MARCHF1: variants seen among roughly 807,000 people sequenced by gnomAD.
The protein encoded by MARCHF1 is E3 ubiquitin-protein ligase MARCHF1.
A neutral mutation model predicts 54.2 loss-of-function variants in MARCHF1; 40 were observed. That is an observed-to-expected ratio of 0.74 (90% confidence interval 0.57 to 0.96). The LOEUF (loss-of-function observed/expected upper bound fraction) is 0.96, where lower values mean the gene tolerates loss of function less well. Ranked by LOEUF, MARCHF1 falls within the 40% of genes least tolerant of loss-of-function variation. The pLI is 0.00. For missense variants in MARCHF1, 586 were observed against 656.5 expected (o/e 0.89, Z 1.17); for synonymous variants, 236 against 236.3 (o/e 1.00, Z 0.01).
chr4:163,945,225 G>T (rs2110764369), intron 3 of MARCHF1, among the ~76,000 whole-genome samples: 1 of 152,174 alleles, frequency 6.6e-6, no homozygotes, highest in African/African-American at 2.4e-5. Context: ...CTGGTTGTTG[G>T]CCAGACATGG....
At chr4:163,607,675 T>C (rs1741188696) in intron 7 of MARCHF1, among the ~76,000 whole-genome samples, 1 of 152,148 alleles carries the variant, frequency 6.6e-6, no homozygotes, top group Non-Finnish European at 1.5e-5. Flanking sequence ...CATTTGGCTT[T>C]TCAAATACAT....
intron 5 of MARCHF1, among the ~76,000 whole-genome samples, chr4:163,614,506 A>G (rs1319097885): frequency 6.6e-6 from 1 of 152,122 alleles, no homozygotes; most frequent in East Asian, 1.9e-4. Context: ...CCAAGAAAAT[A>G]ACAGTAAAGG....
intron 1 of MARCHF1, among the ~76,000 whole-genome samples, chr4:164,168,685 C>A (rs1440770759): frequency 6.6e-6 from 1 of 151,882 alleles, no homozygotes; most frequent in Non-Finnish European, 1.5e-5. Context: ...CACACACACA[C>A]ACACAAACAC....
Position 164,124,772 on chromosome 4 carries a change from T to A in MARCHF1, c.-322-13110A>T, listed in dbSNP as rs115527766. Among the ~76,000 whole-genome samples the A allele has an allele frequency of 3.4e-3, 522 of 152,150 alleles. 4 individuals are homozygous for A. Among genetic ancestry groups the A allele is most frequent in the African/African-American group, 0.012 (488 of 41,532 alleles). On this transcript the variant is annotated intron_variant, in intron 1 of 9. Transcript: ENST00000514618. ...CAGAGAGTAGAAGGATTGTTACCAATGCCAGGAAGGATAGTGGAGGGTGGA... is the reference window on the plus strand; with the variant it reads ...CAGAGAGTAGAAGGATTGTTACCAAAGCCAGGAAGGATAGTGGAGGGTGGA...
At chr4:164,064,803 T>C (rs989985231) in intron 2 of MARCHF1, among the ~76,000 whole-genome samples, 2 of 152,184 alleles carry the variant, frequency 1.3e-5, no homozygotes, top group Non-Finnish European at 2.9e-5. Context: ...ATGGCTCTTA[T>C]TATTTTGAGG....
chr4:163,895,631 T>C (rs574526241), intron 3 of MARCHF1, among the ~76,000 whole-genome samples: 10 of 152,314 alleles, frequency 6.6e-5, no homozygotes, highest in African/African-American at 2.4e-4. Flanking sequence ...TCTCTAAGGC[T>C]GCCTGCACCA....
chr4:163,658,683 T>C (rs759499754), intron 5 of MARCHF1, among the ~76,000 whole-genome samples: 11 of 151,938 alleles, frequency 7.2e-5, no homozygotes, highest in Admixed American at 2.0e-4. Context: ...AGCAAACTCA[T>C]GTAGGAAGAG....
chr4:163,822,028 CTT>C lies in MARCHF1; in HGVS notation c.111+31991_111+31992del, dbSNP rs150010134. ...TAAGACAAAATTAATAAAAGCATAACTTTGCATGATTTTGTTAAGTTTTGCCA... is the reference window on the plus strand; with the variant it reads ...TAAGACAAAATTAATAAAAGCATAACTGCATGATTTTGTTAAGTTTTGCCA... On this transcript the variant is annotated intron_variant, in intron 4 of 9. Transcript: ENST00000514618. Among the ~76,000 whole-genome samples, 1,345 of 151,970 alleles carry C rather than the reference CTT, an allele frequency of 8.9e-3. 25 individuals are homozygous for C. The highest frequency in any genetic ancestry group is 0.029 in the African/African-American group (1,206 of 41,482).
At chr4:164,094,427 C>G (rs921259434) in intron 2 of MARCHF1, among the ~76,000 whole-genome samples, 1 of 152,044 alleles carries the variant, frequency 6.6e-6, no homozygotes, top group Non-Finnish European at 1.5e-5. Flanking sequence ...CAAAAAGAGA[C>G]GCTAATCTCC....
chr4:163,921,990 C>A (rs370721372), intron 3 of MARCHF1, among the ~76,000 whole-genome samples: 1 of 152,082 alleles, frequency 6.6e-6, no homozygotes. Flanking sequence ...CAATGATAGA[C>A]TGGATTAAGA....
At chr4:164,081,221 A>C (rs1367125702) in intron 2 of MARCHF1, among the ~76,000 whole-genome samples, 1 of 145,440 alleles carries the variant, frequency 6.9e-6, no homozygotes, top group African/African-American at 2.5e-5. Flanking sequence ...AAAAAAAAAA[A>C]AAAAAAAAAA....
chr4:163,531,825 C>T (rs1165736157), intron 9 of MARCHF1, among the ~76,000 whole-genome samples: 1 of 151,636 alleles, frequency 6.6e-6, no homozygotes, highest in Non-Finnish European at 1.5e-5. Flanking sequence ...AGCCCATTTA[C>T]ATTTGTGCCA....
intron 1 of MARCHF1, among the ~76,000 whole-genome samples, chr4:164,159,998 C>G (rs545015315): frequency 2.0e-5 from 3 of 152,140 alleles, no homozygotes; most frequent in African/African-American, 4.8e-5. Context: ...CCTTCTGAAC[C>G]AGGACCTAGC....
chr4:164,188,481 TG>T, intron 1 of MARCHF1: 1 of 669,884 alleles, frequency 1.5e-6, no homozygotes. Flanking sequence ...TGCGTCGACC[TG>T]GGGACCACCT....
intron 3 of MARCHF1, among the ~76,000 whole-genome samples, chr4:163,859,893 A>T (rs1221296010): frequency 6.6e-6 from 1 of 152,168 alleles, no homozygotes; most frequent in Non-Finnish European, 1.5e-5. Flanking sequence ...TTAAGTGATG[A>T]CTGAAAATCT....
At chr4:164,107,230 C>G (rs1239949909) in intron 2 of MARCHF1, among the ~76,000 whole-genome samples, 1 of 152,072 alleles carries the variant, frequency 6.6e-6, no homozygotes, top group Non-Finnish European at 1.5e-5. Flanking sequence ...TTTTGACTCA[C>G]AGTATACATT....
chr4:163,546,702 G>A (rs1474576268), intron 8 of MARCHF1, among the ~76,000 whole-genome samples: 1 of 152,168 alleles, frequency 6.6e-6, no homozygotes, highest in Non-Finnish European at 1.5e-5. Context: ...TACCGTAAGG[G>A]TTGTAACTAC....
chr4:163,685,731 G>C (rs192154845), intron 5 of MARCHF1, among the ~76,000 whole-genome samples: 1 of 152,302 alleles, frequency 6.6e-6, no homozygotes, highest in African/African-American at 2.4e-5. Context: ...TGGGATTACA[G>C]GAGTGAGCCA....
At chr4:164,329,556 A>G (rs574820302) in intron 1 of MARCHF1, among the ~76,000 whole-genome samples, 12 of 152,354 alleles carry the variant, frequency 7.9e-5, no homozygotes, top group African/African-American at 2.9e-4. Context: ...TTGCATTGCT[A>G]TAAATACCTG....
Sources: gnomAD v4.1 joint callset for allele counts (sites outside exome capture counted in the v4.1 genomes callset) on GRCh38, gnomAD v4.1.1 for gene constraint, MANE v1.5 for transcripts, NCBI Gene and HGNC (gene_info 2026-07-23, HGNC 2026-07-21) for gene names.